The following STRAP variants were observed in gnomAD, a reference collection of about 807,000 sequenced individuals.
STRAP encodes serine-threonine kinase receptor-associated protein.
STRAP carries 16 observed loss-of-function variants against 47.0 expected under a neutral mutation model. The observed-to-expected ratio is 0.34, with a 90% CI of 0.23 to 0.52. The LOEUF is 0.52. STRAP is among the 20% of genes least tolerant of loss of function. STRAP has a pLI of 0.96. For synonymous variants in STRAP, 130 were observed against 142.7 expected (o/e 0.91, Z 0.63); for missense variants, 293 against 420.0 (o/e 0.70, Z 2.64).
intron 2 of STRAP, among the ~76,000 whole-genome samples, chr12:15,883,980 C>T: frequency 6.6e-6 from 1 of 152,150 alleles, no homozygotes; most frequent in Non-Finnish European, 1.5e-5. Context: ...GAATGCTGCT[C>T]TGTGTGTACT....
At chr12:15,895,647 T>C (rs1948053467) in intron 6 of STRAP, 151 bp downstream of exon 6, 1 of 754,348 alleles carries the variant, frequency 1.3e-6, no homozygotes, top group Non-Finnish European at 2.0e-6. Context: ...GAAGCTGAGG[T>C]GGGAGGATGG....
At chr12:15,901,592 A>G (rs1948103895) in intron 9 of STRAP, among the ~76,000 whole-genome samples, 1 of 152,188 alleles carries the variant, frequency 6.6e-6, no homozygotes, top group South Asian at 2.1e-4. Flanking sequence ...GGAGAGTTTT[A>G]TACTAAGAGC....
chr12:15,886,611 C>T (rs1384548225), intron 2 of STRAP, among the ~76,000 whole-genome samples: 1 of 152,136 alleles, frequency 6.6e-6, no homozygotes, highest in African/African-American at 2.4e-5. Context: ...CCCTCATTTC[C>T]TCTATGTCTT....
At chr12:15,885,189 T>TTTGTTTTTG (rs1016421917) in intron 2 of STRAP, among the ~76,000 whole-genome samples, 5 of 148,342 alleles carry the variant, frequency 3.4e-5, no homozygotes, top group African/African-American at 1.3e-4. Flanking sequence ...TGTTTTTTTT[T>TTTGTTTTTG]TTTTTTTTTT....
At chr12:15,888,551 C>T (rs1353870959) in intron 2 of STRAP, among the ~76,000 whole-genome samples, 1 of 152,158 alleles carries the variant, frequency 6.6e-6, no homozygotes, top group African/African-American at 2.4e-5. Context: ...GTATCATGAG[C>T]ATTCCTGTTA....
intron 7 of STRAP, chr12:15,898,234 T>G (rs923399961): frequency 3.6e-6 from 1 of 276,688 alleles, no homozygotes; most frequent in Admixed American, 5.6e-5. Context: ...ATGCAGAAAT[T>G]TATCCTTTTA....
intron 6 of STRAP, among the ~76,000 whole-genome samples, chr12:15,895,726 T>G (rs928401828): frequency 6.6e-6 from 1 of 151,668 alleles, no homozygotes; most frequent in Non-Finnish European, 1.5e-5. Context: ...CTGGGTGTGG[T>G]GGCACACGCC....
chr12:15,902,314 A>C (rs1049999797), intron 9 of STRAP, among the ~76,000 whole-genome samples: 1 of 152,144 alleles, frequency 6.6e-6, no homozygotes, highest in Admixed American at 6.5e-5. Context: ...GAGAACAGAA[A>C]AAGGTAGATG....
At chr12:15,893,899 A>G in intron 4 of STRAP, 148 bp from the exon 5 acceptor site, 1 of 628,088 alleles carries the variant, frequency 1.6e-6, no homozygotes. Flanking sequence ...TGTATTCTAT[A>G]TAAACATCAA....
intron 6 of STRAP, 129 bp from the exon 7 acceptor site, chr12:15,897,753 C>A (rs1421612319): frequency 5.7e-5 from 22 of 386,874 alleles, no homozygotes; most frequent in Non-Finnish European, 7.3e-5. Context: ...TTTTTTACAT[C>A]AGTGTTTATG....
In STRAP at chr12:15,900,937, C is replaced by CT; in HGVS notation, c.926-5dup. 2 of 1,574,276 alleles carry CT rather than the reference C, an allele frequency of 1.3e-6. No individual in the cohort carries two copies. Among genetic ancestry groups the CT allele is most frequent in the Non-Finnish European group, 8.6e-7 (1 of 1,162,858 alleles). On this transcript the variant is annotated splice_polypyrimidine_tract_variant and intron_variant, in intron 8 of 9. Coordinates refer to ENST00000419869, the MANE Select transcript of STRAP (RefSeq NM_007178.4). ...AAGTCATATAATCGTCATTGCTTTT[C>CT]TTTTTACAGAAGAAGATAGTGGTGA...
In STRAP at chr12:15,882,393, C is replaced by G. The variant is rs1591980915; in HGVS notation, c.-315C>G. 2.4e-6 allele frequency: 1 copy of G among 423,344 alleles called. No homozygotes were observed. The highest frequency in any genetic ancestry group is 4.0e-5 in the Admixed American group (1 of 24,950). 26.2% of individuals were successfully genotyped at this position (423,344 alleles called of 1,614,324 possible). A position where few individuals can be genotyped will look rare whatever the true frequency, so the allele number is the denominator to read the frequency against. On this transcript the variant is annotated 5_prime_UTR_variant, in exon 1 of 10. Transcript: ENST00000419869. ...GGGTGCTCTGCGTCATTTACGTCGT[C>G]ACTTCCTGCCGATGCCGGTGTGGAC... is the stretch of plus-strand genomic sequence containing the variant.
At chr12:15,900,882 A>G in intron 8 of STRAP, 65 bp from the exon 9 acceptor site, 1 of 1,342,006 alleles carries the variant, frequency 7.5e-7, no homozygotes, top group African/African-American at 1.5e-5. Context: ...CTTCTTGCTT[A>G]TTGAACACTG....
At chr12:15,897,216 GT>G in intron 6 of STRAP, among the ~76,000 whole-genome samples, 1 of 152,320 alleles carries the variant, frequency 6.6e-6, no homozygotes, top group Non-Finnish European at 1.5e-5. Context: ...ATACTATAAT[GT>G]TTTGTATTGG....
chr12:15,900,195 T>C, intron 8 of STRAP, 142 bp downstream of exon 8: 1 of 975,656 alleles, frequency 1.0e-6, no homozygotes, highest in Non-Finnish European at 1.4e-6. Context: ...AAGCCCAGGA[T>C]TATAAATTGG....
At chr12:15,883,400 G>A in intron 1 of STRAP, 141 bp from the exon 2 acceptor site, 1 of 915,770 alleles carries the variant, frequency 1.1e-6, no homozygotes, top group South Asian at 1.7e-5. Flanking sequence ...ATTCCTTAGT[G>A]CCTTCAGTGG....
At chr12:15,898,280 T>C (rs899917870) in intron 7 of STRAP, 2 of 209,890 alleles carry the variant, frequency 9.5e-6, no homozygotes, top group Non-Finnish European at 1.9e-5. Flanking sequence ...TTATGTATTA[T>C]GGTACAGTGA....
rs117932994 is a variant in STRAP at position 15,896,770 on chromosome 12, T to C, written c.639-1112T>C. 4.1e-3 allele frequency among the ~76,000 whole-genome samples: 620 copies of C among 152,320 alleles called. 1 individual carries two copies. Among genetic ancestry groups the C allele is most frequent in the Non-Finnish European group, 6.5e-3 (445 of 68,026 alleles). On this transcript the variant is annotated intron_variant, in intron 6 of 9. Coordinates refer to ENST00000419869, the MANE Select transcript of STRAP (RefSeq NM_007178.4). The surrounding 1 kb of genome is among the most constrained non-coding windows in gnomAD (Gnocchi z 4.1). ...AGATAGGATCCTGTAAGTAGAATTA[T>C]CAGTTCAAAGGCTAGAAATGAGTTT...
At chr12:15,891,750 C>T (rs1304424064) in intron 4 of STRAP, among the ~76,000 whole-genome samples, 1 of 152,096 alleles carries the variant, frequency 6.6e-6, no homozygotes, top group Non-Finnish European at 1.5e-5. Context: ...CAATACCAGC[C>T]TGGCCAACAT....
Sources: allele counts gnomAD v4.1 joint callset (sites outside exome capture counted in the v4.1 genomes callset), GRCh38; gene constraint gnomAD v4.1.1; non-coding constraint Gnocchi (gnomAD v3.1); transcripts MANE v1.5; gene names NCBI Gene and HGNC (gene_info 2026-07-23, HGNC 2026-07-21).